AKAP7: variants seen among roughly 807,000 people sequenced by gnomAD.
AKAP7 encodes A-kinase anchoring protein 7.
AKAP7 carries 39 observed loss-of-function variants against 39.5 expected under a neutral mutation model. That is an observed-to-expected ratio of 0.99 (90% confidence interval 0.76 to 1.29). AKAP7 has a LOEUF of 1.29. Among genes scored for constraint, AKAP7 ranks in the 50% most tolerant of loss-of-function variants. AKAP7 has a pLI of 0.00. For missense variants in AKAP7, 414 were observed against 407.7 expected, an observed-to-expected ratio of 1.02 and a Z score of -0.13; for synonymous variants, 140 against 139.1, an observed-to-expected ratio of 1.01 and a Z score of -0.05.
At chr6:131,204,168 C>G (rs1272601470) in intron 6 of AKAP7, among the ~76,000 whole-genome samples, 1 of 152,000 alleles carries the variant, frequency 6.6e-6, no homozygotes, top group Non-Finnish European at 1.5e-5. Flanking sequence ...TTAAGATGTC[C>G]TAGCTGCTGA....
chr6:131,222,936 C>G (rs1299205298), intron 7 of AKAP7, among the ~76,000 whole-genome samples: 1 of 152,150 alleles, frequency 6.6e-6, no homozygotes, highest in Non-Finnish European at 1.5e-5. Context: ...CACAACCACT[C>G]GAACCTCCAG....
chr6:131,136,260 A>G, intron 1 of AKAP7, among the ~76,000 whole-genome samples: 1 of 152,180 alleles, frequency 6.6e-6, no homozygotes, highest in Admixed American at 6.5e-5. Flanking sequence ...AACTGGCGCC[A>G]AGTCTACACT....
intron 1 of AKAP7, among the ~76,000 whole-genome samples, chr6:131,140,507 G>A (rs1800940389): frequency 6.6e-6 from 1 of 152,168 alleles, no homozygotes; most frequent in Non-Finnish European, 1.5e-5. Flanking sequence ...TTCAAAATGT[G>A]TTGAAGCCCA....
intron 6 of AKAP7, among the ~76,000 whole-genome samples, chr6:131,207,065 C>G (rs1333439414): frequency 1.3e-5 from 2 of 152,152 alleles, no homozygotes; most frequent in African/African-American, 4.8e-5. Context: ...AAGAAGGACT[C>G]TTGACTCCTG....
At chr6:131,250,760 C>T (rs1483950068) in intron 7 of AKAP7, 1 of 760,672 alleles carries the variant, frequency 1.3e-6, no homozygotes, top group Non-Finnish European at 2.1e-6. Flanking sequence ...CTTAAAGGGA[C>T]TGGTAGGTGT....
intron 7 of AKAP7, among the ~76,000 whole-genome samples, chr6:131,272,661 G>A (rs904557453): frequency 6.6e-6 from 1 of 152,092 alleles, no homozygotes; most frequent in Non-Finnish European, 1.5e-5. Flanking sequence ...AGGATTCTCA[G>A]GGTATCTTTC....
chr6:131,146,988 G>T (rs1318675652), intron 2 of AKAP7, among the ~76,000 whole-genome samples: 1 of 152,222 alleles, frequency 6.6e-6, no homozygotes, highest in Non-Finnish European at 1.5e-5. Context: ...CATACAGGCT[G>T]CTCTGGAAGT....
intron 2 of AKAP7, among the ~76,000 whole-genome samples, chr6:131,157,002 C>T (rs1037533792): frequency 1.3e-5 from 2 of 152,018 alleles, no homozygotes; most frequent in African/African-American, 2.4e-5. Flanking sequence ...GTCTTGATCT[C>T]CTGACCTCGT....
chr6:131,159,373 G>A lies in AKAP7; in HGVS notation c.152-686G>A, dbSNP rs555594873. Among the ~76,000 whole-genome samples the A allele has an allele frequency of 1.9e-4, 29 of 152,218 alleles. No homozygotes were observed. The South Asian group carries it at 2.1e-3, about 11-fold the overall frequency. ...CTCCCAAAGTGCTGGGATTACAGGC[G>A]TGAGCCACCGAGCCTGGCCAAGGAT... On this transcript the variant is annotated intron_variant, in intron 2 of 7. Coordinates refer to ENST00000431975, the MANE Select transcript of AKAP7 (RefSeq NM_016377.4).
chr6:131,154,951 T>G (rs73633172), intron 2 of AKAP7, among the ~76,000 whole-genome samples: 3,433 of 152,274 alleles, frequency 0.023, 135 homozygotes, highest in African/African-American at 0.078. Context: ...TCTCTTCTAG[T>G]AAACTGGTAG....
chr6:131,278,395 G>A (rs1440003946), intron 7 of AKAP7, among the ~76,000 whole-genome samples: 2 of 152,160 alleles, frequency 1.3e-5, no homozygotes, highest in Non-Finnish European at 1.5e-5. Flanking sequence ...ATGACCAAAT[G>A]GCCATGTACT....
chr6:131,280,862 G>A (rs182944070), intron 7 of AKAP7, among the ~76,000 whole-genome samples: 86 of 152,240 alleles, frequency 5.6e-4, no homozygotes, highest in African/African-American at 1.9e-3. Flanking sequence ...TCCCAGGGAA[G>A]TAAAATGACC....
At chr6:131,242,115 GA>G in intron 7 of AKAP7, 1 of 983,872 alleles carries the variant, frequency 1.0e-6, no homozygotes, top group Non-Finnish European at 1.2e-6. Flanking sequence ...GAGCAACTGA[GA>G]AAACAACAGT....
intron 5 of AKAP7, chr6:131,184,656 C>T: frequency 1.3e-6 from 1 of 769,612 alleles, no homozygotes; most frequent in Non-Finnish European, 2.4e-6. Flanking sequence ...TCTTGTTAAT[C>T]TTTGAGTTCC....
At chr6:131,215,625 A>G (rs1809101610) in intron 6 of AKAP7, among the ~76,000 whole-genome samples, 1 of 152,262 alleles carries the variant, frequency 6.6e-6, no homozygotes, top group Admixed American at 6.5e-5. Flanking sequence ...TGAAGGAGTC[A>G]TGAAGAACTT....
chr6:131,207,339 A>C (rs536560045), intron 6 of AKAP7, among the ~76,000 whole-genome samples: 6 of 150,772 alleles, frequency 4.0e-5, no homozygotes, highest in African/African-American at 1.2e-4. Flanking sequence ...TTTTTGAAAG[A>C]ACTAGGATCT....
At chr6:131,230,337 C>G (rs1172580201) in intron 7 of AKAP7, among the ~76,000 whole-genome samples, 1 of 152,144 alleles carries the variant, frequency 6.6e-6, no homozygotes, top group Non-Finnish European at 1.5e-5. Flanking sequence ...TTGCTTTTCT[C>G]TGATGATTAC....
chr6:131,211,257 G>C (rs1020630947), intron 6 of AKAP7, among the ~76,000 whole-genome samples: 2 of 152,018 alleles, frequency 1.3e-5, no homozygotes, highest in Admixed American at 1.3e-4. Flanking sequence ...CTTGTCTTTT[G>C]TCAATTTTTT....
At position 131,218,057 on chromosome 6, in the gene AKAP7, A is replaced by G. The variant is rs74297869; in HGVS notation, c.703-1604A>G. 3.7e-4 allele frequency among the ~76,000 whole-genome samples: 57 copies of G among 152,276 alleles called. 1 individual carries two copies. The East Asian group carries it at 5.0e-3, about 13-fold the overall frequency. ...TGACTGTGTGTATGTGTGTGTTTCT[A>G]TATAATTTATTATATTTCATTGTTT... is the stretch of plus-strand genomic sequence containing the variant. On this transcript the variant is annotated intron_variant, in intron 6 of 7. Transcript: ENST00000431975.
Sources: allele counts gnomAD v4.1 joint callset (sites outside exome capture counted in the v4.1 genomes callset), GRCh38; gene constraint gnomAD v4.1.1; transcripts MANE v1.5; gene names NCBI Gene and HGNC (gene_info 2026-07-23, HGNC 2026-07-21).